The following DLGAP4 variants were observed in gnomAD, a reference collection of about 807,000 sequenced individuals.
DLGAP4 encodes disks large-associated protein 4.
A neutral mutation model predicts 86.9 loss-of-function variants in DLGAP4; 18 were observed. The observed-to-expected ratio is 0.21, with a 90% CI of 0.14 to 0.31. The LOEUF (loss-of-function observed/expected upper bound fraction) is 0.31, where lower values mean the gene tolerates loss of function less well. Ranked by LOEUF, DLGAP4 falls within the 10% of genes least tolerant of loss-of-function variation. The pLI is 1.00. For missense variants in DLGAP4, 1,085 were observed against 1,362.6 expected (o/e 0.80, Z 3.21); for synonymous variants, 548 against 574.3 (o/e 0.95, Z 0.65).
chr20:36,450,174 G>C (rs2033698499), intron 7 of DLGAP4, among the ~76,000 whole-genome samples: 1 of 152,120 alleles, frequency 6.6e-6, no homozygotes, highest in South Asian at 2.1e-4. Context: ...TATTCATATG[G>C]CAAAGGGTGT....
At chr20:36,494,018 T>C (rs1285158700) in intron 7 of DLGAP4, among the ~76,000 whole-genome samples, 1 of 152,192 alleles carries the variant, frequency 6.6e-6, no homozygotes, top group Admixed American at 6.5e-5. Context: ...TCTTTTGACC[T>C]GAGCCCTGCC....
At chr20:36,477,725 G>C (rs1443606473) in intron 7 of DLGAP4, among the ~76,000 whole-genome samples, 2 of 152,236 alleles carry the variant, frequency 1.3e-5, no homozygotes, top group Admixed American at 6.5e-5. Context: ...TTATGACTCA[G>C]AGTCAGTGAG....
intron 2 of DLGAP4, among the ~76,000 whole-genome samples, chr20:36,416,614 G>T (rs2032661791): frequency 6.6e-6 from 1 of 152,202 alleles, no homozygotes; most frequent in Non-Finnish European, 1.5e-5. Context: ...TCAGGTGGGA[G>T]CTCCCATCAT....
At chr20:36,382,328 G>A (rs557439956) in intron 2 of DLGAP4, among the ~76,000 whole-genome samples, 6 of 151,282 alleles carry the variant, frequency 4.0e-5, no homozygotes, top group African/African-American at 1.2e-4. Context: ...CAAATAATCC[G>A]GCTGCCTTAG....
intron 2 of DLGAP4, among the ~76,000 whole-genome samples, chr20:36,422,498 T>G (rs1365404987): frequency 6.6e-6 from 1 of 152,072 alleles, no homozygotes; most frequent in African/African-American, 2.4e-5. Context: ...GTTAGATCAG[T>G]GAGGGTCTTG....
chr20:36,511,616 T>A (rs2036699146), intron 10 of DLGAP4, among the ~76,000 whole-genome samples: 1 of 152,026 alleles, frequency 6.6e-6, no homozygotes, highest in Non-Finnish European at 1.5e-5. Context: ...GGCTCACTCC[T>A]ATAATCCCAG....
intron 1 of DLGAP4, among the ~76,000 whole-genome samples, chr20:36,320,518 G>A (rs1229687348): frequency 6.6e-6 from 1 of 152,104 alleles, no homozygotes; most frequent in Non-Finnish European, 1.5e-5. Context: ...TTCTCCCCAC[G>A]CTGCAGGCCT....
chr20:36,349,343 G>A (rs970600287), intron 1 of DLGAP4, among the ~76,000 whole-genome samples: 8 of 151,144 alleles, frequency 5.3e-5, no homozygotes, highest in East Asian at 3.9e-4. Flanking sequence ...GCATGAACCC[G>A]GGAGGCGGAG....
chr20:36,404,821 CT>C (rs1442510815), intron 2 of DLGAP4, among the ~76,000 whole-genome samples: 1 of 152,218 alleles, frequency 6.6e-6, no homozygotes, highest in Non-Finnish European at 1.5e-5. Flanking sequence ...GCCATTGCAG[CT>C]TGTGCAGAGC....
chr20:36,412,817 T>C (rs1456260581), intron 2 of DLGAP4, among the ~76,000 whole-genome samples: 1 of 152,186 alleles, frequency 6.6e-6, no homozygotes, highest in African/African-American at 2.4e-5. Context: ...ACACTCATAC[T>C]GGAGCTTACA....
At chr20:36,314,335 T>C (rs1261963159) in intron 1 of DLGAP4, among the ~76,000 whole-genome samples, 3 of 135,362 alleles carry the variant, frequency 2.2e-5, no homozygotes, top group African/African-American at 9.1e-5. Context: ...TGTGTGCGTG[T>C]GTGTGTGTGT....
chr20:36,365,144 C>T (rs2030640408), intron 1 of DLGAP4, among the ~76,000 whole-genome samples: 1 of 152,148 alleles, frequency 6.6e-6, no homozygotes. Context: ...GGAGACTTGC[C>T]GTTCTGTCAG....
chr20:36,475,439 G>C (rs1290012861), intron 7 of DLGAP4, among the ~76,000 whole-genome samples: 1 of 152,132 alleles, frequency 6.6e-6, no homozygotes, highest in Non-Finnish European at 1.5e-5. Flanking sequence ...TCGAACTCCT[G>C]ACCTTGTGAT....
chr20:36,439,215 C>G (rs2033376083), intron 4 of DLGAP4, among the ~76,000 whole-genome samples: 1 of 152,162 alleles, frequency 6.6e-6, no homozygotes, highest in Non-Finnish European at 1.5e-5. Flanking sequence ...AGCATCATCC[C>G]CATTTTAGAG....
chr20:36,344,117 C>G (rs1474062945), intron 1 of DLGAP4, among the ~76,000 whole-genome samples: 3 of 152,136 alleles, frequency 2.0e-5, no homozygotes, highest in African/African-American at 7.2e-5. Flanking sequence ...CCTCTCTGGT[C>G]CTCACTTCCC....
intron 7 of DLGAP4, among the ~76,000 whole-genome samples, chr20:36,483,068 G>T (rs2035259780): frequency 6.6e-6 from 1 of 152,140 alleles, no homozygotes; most frequent in Non-Finnish European, 1.5e-5. Context: ...AGGGATGATG[G>T]TAATAAGGTG....
chr20:36,447,047 G>C, intron 7 of DLGAP4, 110 bp downstream of exon 7: 4 of 1,461,490 alleles, frequency 2.7e-6, no homozygotes, highest in East Asian at 2.4e-5. Flanking sequence ...TCTCAGGCTG[G>C]CCCGCACCAG....
intron 1 of DLGAP4, among the ~76,000 whole-genome samples, chr20:36,360,232 T>C (rs1273212179): frequency 6.6e-6 from 1 of 152,200 alleles, no homozygotes; most frequent in Non-Finnish European, 1.5e-5. Flanking sequence ...CACACAGCTA[T>C]GAGGCGGTAG....
At chr20:36,515,709 G>A (rs1207343706) in intron 10 of DLGAP4, among the ~76,000 whole-genome samples, 1 of 152,206 alleles carries the variant, frequency 6.6e-6, no homozygotes, top group Non-Finnish European at 1.5e-5. Flanking sequence ...ACAGGCGTGA[G>A]CCACTGAGCC....
Sources: allele counts gnomAD v4.1 joint callset (sites outside exome capture counted in the v4.1 genomes callset), GRCh38; gene constraint gnomAD v4.1.1; transcripts MANE v1.5; gene names NCBI Gene and HGNC (gene_info 2026-07-23, HGNC 2026-07-21).